Variants in ABCA7 observed in about 807,000 individuals in gnomAD.
The protein encoded by ABCA7 is ATP binding cassette subfamily A member 7, also known as phospholipid-transporting ATPase ABCA7.
In ABCA7, 261 loss-of-function variants were observed where a neutral mutation model predicts 227.6. The observed-to-expected ratio is 1.15, with a 90% CI of 1.04 to 1.27. ABCA7 has a LOEUF of 1.27. ABCA7 is among the 50% of genes most tolerant of loss of function. ABCA7 has a pLI of 0.00. For synonymous variants in ABCA7, 1,488 were observed against 1,279.7 expected (o/e 1.16, Z -3.47); for missense variants, 3,331 against 2,924.5 (o/e 1.14, Z -3.21).
intron 37 of ABCA7, 137 bp from the exon 38 acceptor site, chr19:1,058,481 C>G: frequency 6.9e-7 from 1 of 1,455,528 alleles, no homozygotes. Context: ...CTTCTGTTTT[C>G]TATGCCAATT....
At position 1,054,340 on chromosome 19, in the gene ABCA7, A is replaced by G. The variant is rs943133474; in HGVS notation, c.3725A>G (p.Gln1242Arg). The G allele has an allele frequency of 2.5e-6, 4 of 1,594,426 alleles. No homozygotes were observed. The African/African-American group carries it at 4.0e-5, about 16-fold the overall frequency. The part of the protein sequence containing the change: ...ARRSRRGLFA[Q>R]IVLPALFVGL... Reference sequence around the variant, plus strand: ...CGCAGCCGCCGCGGCCTGTTCGCCCAGGTGAGGAGGGCTAGCACCAGGGAG... The same window carrying G: ...CGCAGCCGCCGCGGCCTGTTCGCCCGGGTGAGGAGGGCTAGCACCAGGGAG... Residue 1242 changes from glutamine to arginine, a missense_variant and splice_region_variant, in exon 27 of 47, where the codon CAG becomes CGG. Physicochemically the swap from Gln to Arg is conservative, Grantham distance 43. Coordinates refer to ENST00000263094, the MANE Select transcript of ABCA7 (RefSeq NM_019112.4). This position sits in a 1 kb window ranked among gnomAD's most constrained non-coding sequence, Gnocchi z 4.8.
At position 1,053,528 on chromosome 19, in the gene ABCA7, G is replaced by T; in HGVS notation, c.3420G>T (p.Glu1140Asp). Residue 1140 changes from glutamate to aspartate, a missense_variant, in exon 24 of 47, where the codon GAG (glutamate) becomes GAT (aspartate). Transcript: ENST00000263094. ...ACGGGATCTCCGACACCAGCCTCGA[G>T]GAGGTGTGAGGCCTGGGTGGTGGTG... ...TGYGISDTSL[E>D]EIFLKVVEEC... is the part of the protein sequence containing the mutation. 6.4e-7 allele frequency: 1 copy of T among 1,560,028 alleles called. No individual in the cohort carries two copies.
At chr19:1,057,831 G>C in intron 35 of ABCA7, 84 bp from the exon 36 acceptor site, 1 of 1,515,418 alleles carries the variant, frequency 6.6e-7, no homozygotes, top group Non-Finnish European at 9.0e-7. Context: ...GTCTAAGGCA[G>C]AGAAGATGGG....
Position 1,055,319 on chromosome 19 carries a change from G to T in ABCA7, c.4173G>T (p.Leu1391=). 3 of 1,600,528 alleles carry T rather than the reference G, an allele frequency of 1.9e-6. No individual in the cohort carries two copies. The highest frequency in any genetic ancestry group is 1.7e-6 in the Non-Finnish European group (2 of 1,175,514). ...CAGGCCGGAACCTGTCTGACTTCCT[G>T]GTCAAGACCTACCCGCGCCTGGTGC... ...NLTGRNLSDF[L]VKTYPRLVRQ... is the part of the protein sequence containing the mutation. The change falls in exon 30 of 47, where the codon CTG becomes CTT. Residue 1391 remains leucine (L), a synonymous_variant. Transcript: ENST00000263094.
chr19:1,065,248 C>T, intron 46 of ABCA7, 22 bp from the exon 47 acceptor site: 1 of 1,612,350 alleles, frequency 6.2e-7, no homozygotes, highest in African/African-American at 1.3e-5. Flanking sequence ...CCTCTTGTCC[C>T]CTCTGGGCTG....
chr19:1,048,853 C>A, intron 16 of ABCA7, 42 bp from the exon 17 acceptor site: 1 of 1,247,068 alleles, frequency 8.0e-7, no homozygotes, highest in East Asian at 2.5e-5. Context: ...TGGTACACTC[C>A]TGGGGGGTGG....
intron 40 of ABCA7, among the ~76,000 whole-genome samples, chr19:1,060,786 C>T (rs1355194022): frequency 6.6e-6 from 1 of 152,092 alleles, no homozygotes; most frequent in Non-Finnish European, 1.5e-5. Flanking sequence ...TCCCAAAGTG[C>T]TGGGGTTACA....
In ABCA7 at chr19:1,043,761, G is replaced by A; in HGVS notation, c.967G>A (p.Asp323Asn). 1 of 1,613,162 alleles carries A rather than the reference G, an allele frequency of 6.2e-7. No homozygotes were observed. Among genetic ancestry groups the A allele is most frequent in the Non-Finnish European group, 8.5e-7 (1 of 1,179,970 alleles). The change falls in exon 10 of 47, where the codon GAT becomes AAT. Residue 323 changes from aspartate to asparagine, a missense_variant. Asp to Asn is a conservative substitution (Grantham distance 23). Transcript: ENST00000263094. ...CTTCGAGGAGCTCACCCTGCTGAGG[G>A]ATGTCCGGGAGGTGTGGGAGATGCT... ...RTFEELTLLR[D>N]VREVWEMLGP... is the part of the protein sequence containing the mutation.
At chr19:1,049,055 C>G in intron 17 of ABCA7, 50 bp downstream of exon 17, 1 of 1,054,612 alleles carries the variant, frequency 9.5e-7, no homozygotes, top group Non-Finnish European at 1.4e-6. Flanking sequence ...TGCCCAGTTC[C>G]CCCCCAAAAC....
rs1335750835 is a variant in ABCA7, at chr19:1,041,892, C to T, written c.222C>T (p.Ile74=). Residue 74 remains isoleucine (I), a synonymous_variant, in exon 4 of 47, where the codon ATC becomes ATT. Transcript: ENST00000263094. ...CCGTGCCCTGGCTCCAGGGTCTCAT[C>T]TGTAATGTGAACAACACCTGCTTTC... ...AGTVPWLQGL[I]CNVNNTCFPQ... is the part of the protein sequence containing the mutation. 2.5e-6 allele frequency: 4 copies of T among 1,601,554 alleles called. No homozygotes were observed. The African/African-American group carries it at 5.3e-5, about 21-fold the overall frequency.
chr19:1,063,882 C>T lies in ABCA7; in HGVS notation c.5951+19C>T. ...CCCATAGGTGGGCCGGGCTCTGATG[C>T]CCTGGGCTGTGGTTAAGGTGATCCA... On this transcript the variant is annotated intron_variant, in intron 44 of 46. Transcript: ENST00000263094. 1.3e-6 allele frequency: 2 copies of T among 1,515,898 alleles called. No individual in the cohort carries two copies. Among genetic ancestry groups the T allele is most frequent in the East Asian group, 2.5e-5 (1 of 40,464 alleles). The allele number at this position is 1,515,898 out of a possible 1,614,324, so 93.9% of individuals were successfully genotyped here.
In ABCA7 at chr19:1,051,058, T is replaced by C; in HGVS notation, c.2684+6T>C. ...TACAACGTGCTGTTTGACATGTGCG[T>C]CTCGGCAGGCCCAGAGTGCAGCGGT... On this transcript the variant is annotated splice_donor_region_variant and intron_variant, in intron 19 of 46. Coordinates refer to ENST00000263094, the MANE Select transcript of ABCA7 (RefSeq NM_019112.4). 6.2e-7 allele frequency: 1 copy of C among 1,611,004 alleles called. No homozygotes were observed. Among genetic ancestry groups the C allele is most frequent in the Non-Finnish European group, 8.5e-7 (1 of 1,178,810 alleles).
rs373714431 is a variant in ABCA7, at chr19:1,047,289, G to A, written c.1978G>A (p.Gly660Ser). 4 of 1,605,030 alleles carry A rather than the reference G, an allele frequency of 2.5e-6. No homozygotes were observed. The highest frequency in any genetic ancestry group is 3.4e-6 in the Non-Finnish European group (4 of 1,179,032). ...FSRANLAAAC[G>S]GLAYFSLYLP... Reference sequence around the variant, plus strand: ...CCGCGCCAACCTGGCTGCGGCCTGCGGCGGCCTGGCCTACTTCTCCCTCTA... The same window carrying A: ...CCGCGCCAACCTGGCTGCGGCCTGCAGCGGCCTGGCCTACTTCTCCCTCTA... Residue 660 changes from glycine (G) to serine (S), a missense_variant, in exon 15 of 47, where the codon GGC becomes AGC. By Grantham distance (56) the Gly-to-Ser change is moderately conservative. Coordinates refer to ENST00000263094, the MANE Select transcript of ABCA7 (RefSeq NM_019112.4).
rs1236594948 is a variant in ABCA7 at position 1,040,127 on chromosome 19, A to G, written c.-207A>G. On this transcript the variant is annotated 5_prime_UTR_variant, in exon 1 of 47. Coordinates refer to ENST00000263094, the MANE Select transcript of ABCA7 (RefSeq NM_019112.4). ...CGGGCAAGCTCAGCGCACTTGGCTTAAGGGGCGGCGCGCTCCCTGCCTGCT... is the reference window on the plus strand; with the variant it reads ...CGGGCAAGCTCAGCGCACTTGGCTTGAGGGGCGGCGCGCTCCCTGCCTGCT... 2 of 152,222 alleles carry G rather than the reference A, an allele frequency of 1.3e-5. No homozygotes were observed. The highest frequency in any genetic ancestry group is 2.9e-5 in the Non-Finnish European group (2 of 68,050). 9.4% of individuals were successfully genotyped at this position (152,222 alleles called of 1,614,324 possible).
At chr19:1,057,510 G>T in intron 35 of ABCA7, 81 bp downstream of exon 35, 1 of 1,347,058 alleles carries the variant, frequency 7.4e-7, no homozygotes, top group Non-Finnish European at 1.1e-6. Flanking sequence ...ATAGAACTCT[G>T]CAGTGACTCC....
At chr19:1,045,566 G>A in intron 12 of ABCA7, 1 of 299,030 alleles carries the variant, frequency 3.3e-6, no homozygotes, top group South Asian at 4.6e-5. Flanking sequence ...AGTAGATCTT[G>A]CCTGTTATCT....
intron 30 of ABCA7, among the ~76,000 whole-genome samples, chr19:1,055,665 A>C (rs558188723): frequency 6.6e-6 from 1 of 151,234 alleles, no homozygotes; most frequent in African/African-American, 2.4e-5. Context: ...ACCACTCCCG[A>C]CTAATTTTTG....
chr19:1,055,474 G>C, intron 30 of ABCA7, 123 bp downstream of exon 30: 2 of 1,183,080 alleles, frequency 1.7e-6, no homozygotes, highest in South Asian at 3.4e-5. Context: ...CTACGGGCTG[G>C]GAGTCTCGCG....
chr19:1,061,294 G>A (rs1599718194), intron 40 of ABCA7, among the ~76,000 whole-genome samples: 2 of 151,316 alleles, frequency 1.3e-5, no homozygotes, highest in East Asian at 3.9e-4. Context: ...CTACTCCGGA[G>A]CCTGAGACAG....
Sources: allele counts gnomAD v4.1 joint callset (sites outside exome capture counted in the v4.1 genomes callset), GRCh38; gene constraint gnomAD v4.1.1; non-coding constraint Gnocchi (gnomAD v3.1); transcripts MANE v1.5; gene names NCBI Gene and HGNC (gene_info 2026-07-23, HGNC 2026-07-21).